The following ARMH3 variants were observed in gnomAD, a reference collection of about 807,000 sequenced individuals.
ARMH3 encodes the protein armadillo-like helical domain-containing protein 3.
Under a neutral mutation model 99.1 loss-of-function variants are expected in ARMH3, and 60 were observed. That is an observed-to-expected ratio of 0.61 (90% CI 0.49 to 0.75). The LOEUF is 0.75. Ranked by LOEUF, ARMH3 falls within the 30% of genes least tolerant of loss-of-function variation. The pLI is 0.00. For synonymous variants in ARMH3, 285 were observed against 292.8 expected, an observed-to-expected ratio of 0.97 and a Z score of 0.27; for missense variants, 679 against 843.1, an observed-to-expected ratio of 0.81 and a Z score of 2.41.
intron 22 of ARMH3, among the ~76,000 whole-genome samples, chr10:101,949,127 A>G (rs147835022): frequency 2.3e-3 from 345 of 152,178 alleles, no homozygotes; most frequent in African/African-American, 7.9e-3. Context: ...CAAAATATTT[A>G]TATTAGAAAA....
chr10:101,911,498 G>GGACT (rs1842864265), intron 23 of ARMH3, among the ~76,000 whole-genome samples: 1 of 152,096 alleles, frequency 6.6e-6, no homozygotes, highest in Non-Finnish European at 1.5e-5. Context: ...GCTGCTCAGG[G>GGACT]GACTGAGGCG....
chr10:102,055,369 G>A (rs999326709), intron 1 of ARMH3, among the ~76,000 whole-genome samples: 1 of 151,966 alleles, frequency 6.6e-6, no homozygotes, highest in Non-Finnish European at 1.5e-5. Context: ...AACTGCGGAG[G>A]GTCGGATGAT....
chr10:101,890,020 TCA>T (rs2067649097), intron 23 of ARMH3, among the ~76,000 whole-genome samples: 1 of 152,146 alleles, frequency 6.6e-6, no homozygotes, highest in Non-Finnish European at 1.5e-5. Context: ...CATCACTTAG[TCA>T]CATCCAAAAT....
chr10:101,992,150 TTTTC>T (rs1846827405), intron 17 of ARMH3, 112 bp from the exon 18 acceptor site: 1 of 909,736 alleles, frequency 1.1e-6, no homozygotes. Flanking sequence ...GGATACTTCC[TTTTC>T]TTTCTCTTTT....
intron 19 of ARMH3, among the ~76,000 whole-genome samples, chr10:101,981,065 TG>T (rs894296620): frequency 1.7e-4 from 16 of 96,026 alleles, no homozygotes; most frequent in Admixed American, 4.9e-4. Context: ...GTTGGGGGGT[TG>T]GGGGGTGAGG....
At chr10:102,011,693 T>C (rs1278454513) in intron 11 of ARMH3, 30 bp downstream of exon 11, 7 of 1,574,842 alleles carry the variant, frequency 4.4e-6, no homozygotes, top group Non-Finnish European at 6.0e-6. Context: ...TTCTGTTTTT[T>C]TCAGGAGAAA....
At chr10:101,957,816 A>G in intron 20 of ARMH3, 84 bp from the exon 21 acceptor site, 1 of 1,483,440 alleles carries the variant, frequency 6.7e-7, no homozygotes. Context: ...GCTCTAAAAA[A>G]AATCCAGAAG....
At chr10:101,851,960 G>A (rs528455206) in intron 24 of ARMH3, among the ~76,000 whole-genome samples, 1 of 152,312 alleles carries the variant, frequency 6.6e-6, no homozygotes, top group Non-Finnish European at 1.5e-5. Context: ...GGCTGCACTC[G>A]TGGCTGGAAT....
chr10:102,045,192 A>C (rs961564583), intron 1 of ARMH3, among the ~76,000 whole-genome samples: 5 of 152,036 alleles, frequency 3.3e-5, no homozygotes, highest in African/African-American at 1.2e-4. Context: ...AAATATGTAC[A>C]GATCCGACAT....
chr10:101,925,049 CA>C (rs1365276064), intron 23 of ARMH3, among the ~76,000 whole-genome samples: 4 of 152,116 alleles, frequency 2.6e-5, no homozygotes, highest in African/African-American at 9.7e-5. Context: ...CAGCACCACA[CA>C]AACCAAAACA....
At chr10:102,021,002 G>GT (rs1287011631) in intron 8 of ARMH3, among the ~76,000 whole-genome samples, 1 of 152,030 alleles carries the variant, frequency 6.6e-6, no homozygotes. Context: ...TTTTTTTACA[G>GT]TTTTTTTCAT....
chr10:101,886,058 A>G (rs552927229), intron 24 of ARMH3, among the ~76,000 whole-genome samples: 1 of 129,714 alleles, frequency 7.7e-6, no homozygotes, highest in East Asian at 2.0e-4. Context: ...ACTCCATCTC[A>G]AAAAAAAAAA....
intron 21 of ARMH3, 143 bp downstream of exon 21, chr10:101,957,507 G>A: frequency 1.2e-6 from 1 of 820,400 alleles, no homozygotes; most frequent in East Asian, 2.8e-5. Context: ...GGGACCACCA[G>A]TCCAGATTCG....
chr10:101,957,325 G>T (rs1013880871), intron 21 of ARMH3, among the ~76,000 whole-genome samples: 1 of 152,190 alleles, frequency 6.6e-6, no homozygotes, highest in African/African-American at 2.4e-5. Context: ...CCTTCAGAGG[G>T]TTTGCTATTT....
chr10:102,045,513 T>C (rs2067526781), intron 1 of ARMH3, among the ~76,000 whole-genome samples: 1 of 152,206 alleles, frequency 6.6e-6, no homozygotes, highest in African/African-American at 2.4e-5. Flanking sequence ...CGAGATGGAA[T>C]GTCAAGTGCA....
At chr10:102,006,487 T>C in intron 14 of ARMH3, 53 bp downstream of exon 14, 2 of 1,560,156 alleles carry the variant, frequency 1.3e-6, no homozygotes, top group Middle Eastern at 1.7e-4. Context: ...ATGCTCACTC[T>C]GAGAGATCTA....
At chr10:102,046,298 AAGAG>A (rs1398280031) in intron 1 of ARMH3, among the ~76,000 whole-genome samples, 1 of 151,618 alleles carries the variant, frequency 6.6e-6, no homozygotes, top group East Asian at 1.9e-4. Flanking sequence ...GAGAGAAAGA[AAGAG>A]AGAAAGAGAG....
intron 19 of ARMH3, among the ~76,000 whole-genome samples, chr10:101,987,838 A>T (rs1846582526): frequency 6.6e-6 from 1 of 152,102 alleles, no homozygotes; most frequent in South Asian, 2.1e-4. Flanking sequence ...AGAATCTCAG[A>T]TACTTGCTGC....
intron 23 of ARMH3, chr10:101,889,753 C>G: frequency 2.4e-6 from 1 of 411,374 alleles, no homozygotes; most frequent in South Asian, 2.9e-5. Flanking sequence ...AACCCAAAGC[C>G]AAACAAAAAT....
Sources: allele counts gnomAD v4.1 joint callset (sites outside exome capture counted in the v4.1 genomes callset), GRCh38; gene constraint gnomAD v4.1.1; transcripts MANE v1.5; gene names NCBI Gene and HGNC (gene_info 2026-07-23, HGNC 2026-07-21).